ATRN: variants seen among roughly 807,000 people sequenced by gnomAD.
ATRN encodes attractin-2.
Under a neutral mutation model 178.7 loss-of-function variants are expected in ATRN, and 54 were observed. The observed-to-expected ratio is 0.30, with a 90% confidence interval of 0.24 to 0.38. ATRN has a LOEUF of 0.38. ATRN is among the 10% of genes least tolerant of loss of function. The pLI is 1.00. For synonymous variants in ATRN, 636 were observed against 663.0 expected, an observed-to-expected ratio of 0.96 and a Z score of 0.63; for missense variants, 1,443 against 1,815.1, an observed-to-expected ratio of 0.79 and a Z score of 3.73.
At chr20:3,584,305 A>C (rs764745364) in intron 17 of ATRN, among the ~76,000 whole-genome samples, 22 of 152,226 alleles carry the variant, frequency 1.4e-4, no homozygotes, top group Non-Finnish European at 2.8e-4. Context: ...GATAGATCAC[A>C]GAGTACAGAA....
At chr20:3,513,354 G>A (rs1449029606) in intron 1 of ATRN, among the ~76,000 whole-genome samples, 2 of 152,070 alleles carry the variant, frequency 1.3e-5, no homozygotes, top group African/African-American at 2.4e-5. Context: ...AGCACCATTT[G>A]TTAAATAGGA....
chr20:3,525,583 C>A (rs2085352949), intron 1 of ATRN, among the ~76,000 whole-genome samples: 1 of 152,154 alleles, frequency 6.6e-6, no homozygotes. Flanking sequence ...CAAAACCTGG[C>A]AGAGACACAA....
chr20:3,510,777 A>G (rs998022476), intron 1 of ATRN, among the ~76,000 whole-genome samples: 1 of 151,576 alleles, frequency 6.6e-6, no homozygotes, highest in African/African-American at 2.4e-5. Flanking sequence ...TATAATTACT[A>G]TTTTTTTCCT....
At chr20:3,610,182 C>A (rs2086742428) in intron 24 of ATRN, among the ~76,000 whole-genome samples, 1 of 152,096 alleles carries the variant, frequency 6.6e-6, no homozygotes, top group Admixed American at 6.5e-5. Context: ...TAGATATAGA[C>A]AAGCTTATTC....
chr20:3,555,354 A>C (rs1219614542), intron 6 of ATRN, among the ~76,000 whole-genome samples: 2 of 152,078 alleles, frequency 1.3e-5, no homozygotes, highest in Non-Finnish European at 2.9e-5. Flanking sequence ...AGATTCTGAT[A>C]ATTCTCGGTG....
At chr20:3,553,129 T>A (rs994632767) in intron 6 of ATRN, among the ~76,000 whole-genome samples, 1 of 152,242 alleles carries the variant, frequency 6.6e-6, no homozygotes, top group African/African-American at 2.4e-5. Context: ...TTAGAATCTG[T>A]CCCAAATCTG....
chr20:3,589,107 C>T (rs560828546), intron 18 of ATRN, among the ~76,000 whole-genome samples: 95 of 151,848 alleles, frequency 6.3e-4, no homozygotes, highest in South Asian at 2.3e-3. Flanking sequence ...CTCAGCCCCC[C>T]AAGTAGCTGG....
At position 3,562,511 on chromosome 20, in the gene ATRN, A is replaced by T. The variant is rs758834796; in HGVS notation, c.1631+52A>T. 7 of 1,561,960 alleles carry T rather than the reference A, an allele frequency of 4.5e-6. No homozygotes were observed. The East Asian group carries it at 1.6e-4, about 35-fold the overall frequency. On this transcript the variant is annotated intron_variant, in intron 9 of 28. Transcript: ENST00000262919. Reference sequence around the variant, plus strand: ...TTTAAGGTGTAAATTCTGTAGAGGCAATTGTGGAGAAAATATTGTGCTATC... The same window carrying T: ...TTTAAGGTGTAAATTCTGTAGAGGCTATTGTGGAGAAAATATTGTGCTATC...
chr20:3,594,694 G>C (rs566077181), intron 20 of ATRN, 122 bp downstream of exon 20: 1 of 740,456 alleles, frequency 1.4e-6, no homozygotes, highest in East Asian at 3.0e-5. Context: ...GGGATCCCTG[G>C]GTTGATTAGT....
Position 3,601,118 on chromosome 20 carries a change from T to C in ATRN, c.3643+94T>C, listed in dbSNP as rs1038210128. ...TGAGAAAGCGAGCTCAGGAGACAGATTGGTTTGAAACCCACCCTTGCCACT... is the reference window on the plus strand; with the variant it reads ...TGAGAAAGCGAGCTCAGGAGACAGACTGGTTTGAAACCCACCCTTGCCACT... On this transcript the variant is annotated intron_variant, in intron 23 of 28. Transcript: ENST00000262919. 6.5e-6 allele frequency: 8 copies of C among 1,223,362 alleles called. No individual in the cohort carries two copies. In the African/African-American group the frequency reaches 9.1e-5, roughly 14 times the overall value. 75.8% of individuals were successfully genotyped at this position (1,223,362 alleles called of 1,614,324 possible).
intron 24 of ATRN, among the ~76,000 whole-genome samples, chr20:3,611,236 G>A (rs1383865446): frequency 6.6e-6 from 1 of 152,158 alleles, no homozygotes; most frequent in Non-Finnish European, 1.5e-5. Context: ...ACCCTGTTAT[G>A]AAGATGAAAA....
chr20:3,581,774 A>G (rs1249756159), intron 15 of ATRN, among the ~76,000 whole-genome samples: 5 of 152,148 alleles, frequency 3.3e-5, no homozygotes, highest in Admixed American at 6.6e-5. Flanking sequence ...TGAATTTTTG[A>G]TATATTATCT....
rs568228621 is a variant in ATRN at position 3,473,403 on chromosome 20, C to T, written c.410+1886C>T. On this transcript the variant is annotated intron_variant, in intron 1 of 28. Coordinates refer to ENST00000262919, the MANE Select transcript of ATRN (RefSeq NM_139321.3). ...CAGGTACAGAGGCTTGGGGTTGAAG[C>T]GGATGGAAGGCCAGGTGGCAGGAGC... 1.9e-4 allele frequency among the ~76,000 whole-genome samples: 29 copies of T among 151,998 alleles called. No homozygotes were observed. The East Asian group carries it at 4.1e-3, about 21-fold the overall frequency.
chr20:3,498,659 A>G (rs922122881), intron 1 of ATRN, among the ~76,000 whole-genome samples: 2 of 152,178 alleles, frequency 1.3e-5, no homozygotes, highest in African/African-American at 2.4e-5. Context: ...CTCTCAGTAA[A>G]TTAGGTATTG....
At chr20:3,601,208 A>C (rs1256101038) in intron 23 of ATRN, among the ~76,000 whole-genome samples, 184 bp downstream of exon 23, 1 of 152,168 alleles carries the variant, frequency 6.6e-6, no homozygotes, top group Non-Finnish European at 1.5e-5. Context: ...TATTTTATTC[A>C]TCTGTAAAGT....
At chr20:3,606,346 C>T (rs1478119322) in intron 24 of ATRN, among the ~76,000 whole-genome samples, 3 of 152,168 alleles carry the variant, frequency 2.0e-5, no homozygotes, top group Admixed American at 6.5e-5. Context: ...TTCTTTTCCT[C>T]GTTTTCTGGC....
chr20:3,635,773 A>G lies in ATRN; in HGVS notation c.3942+1384A>G, dbSNP rs550296747. On this transcript the variant is annotated intron_variant, in intron 26 of 28. Transcript: ENST00000262919. The stretch of plus-strand genomic sequence containing the variant: ...GTACCACCTTTTCTGACCCACATAA[A>G]GATGATGTTATCATAGAGGGAATGT... 1.3e-3 allele frequency among the ~76,000 whole-genome samples: 203 copies of G among 152,268 alleles called. 3 individuals carry two copies. Among genetic ancestry groups the G allele is most frequent in the African/African-American group, 4.6e-3 (193 of 41,536 alleles).
At chr20:3,500,040 T>C (rs1282846350) in intron 1 of ATRN, among the ~76,000 whole-genome samples, 24 of 151,970 alleles carry the variant, frequency 1.6e-4, no homozygotes, top group African/African-American at 5.3e-4. Flanking sequence ...AACAGACACT[T>C]CTCAAAAGAA....
chr20:3,531,203 G>A (rs2085449394), intron 1 of ATRN, among the ~76,000 whole-genome samples: 1 of 152,100 alleles, frequency 6.6e-6, no homozygotes, highest in Admixed American at 6.6e-5. Context: ...AGAACACAGG[G>A]AATTTTGAAT....
Sources: gnomAD v4.1 joint callset for allele counts (sites outside exome capture counted in the v4.1 genomes callset) on GRCh38, gnomAD v4.1.1 for gene constraint, MANE v1.5 for transcripts, NCBI Gene and HGNC (gene_info 2026-07-23, HGNC 2026-07-21) for gene names.